The following RGS6 variants were observed in gnomAD, a reference collection of about 807,000 sequenced individuals.
The protein encoded by RGS6 is regulator of G-protein signaling 6.
A neutral mutation model predicts 78.5 loss-of-function variants in RGS6; 30 were observed. The observed-to-expected ratio is 0.38, with a 90% CI of 0.29 to 0.52. The LOEUF (loss-of-function observed/expected upper bound fraction) is 0.52, where lower values mean the gene tolerates loss of function less well. Among genes scored for constraint, RGS6 ranks in the 20% least tolerant of loss-of-function variants. RGS6 has a pLI of 0.85. For missense variants in RGS6, 495 were observed against 609.7 expected (o/e 0.81, Z 1.98); for synonymous variants, 206 against 206.0 (o/e 1.00, Z 0.00).
the RGS6 span, among the ~76,000 whole-genome samples, chr14:71,904,048 C>G: frequency 6.6e-6 from 1 of 152,166 alleles, no homozygotes; most frequent in Admixed American, 6.5e-5. Context: ...CAAGTGAATA[C>G]TAACTGATAG....
chr14:72,057,897 A>C (rs981215188), intron 2 of RGS6, among the ~76,000 whole-genome samples: 2 of 151,746 alleles, frequency 1.3e-5, no homozygotes, highest in African/African-American at 4.8e-5. Flanking sequence ...AGCTCCAAAT[A>C]CTCTTTCCAA....
chr14:72,272,034 C>T (rs1326059851), intron 2 of RGS6, among the ~76,000 whole-genome samples: 3 of 151,618 alleles, frequency 2.0e-5, no homozygotes, highest in African/African-American at 7.3e-5. Context: ...CAATTGACAA[C>T]CTTAATTCTA....
the RGS6 span, among the ~76,000 whole-genome samples, chr14:72,593,789 T>TA: frequency 4.3e-4 from 65 of 152,208 alleles, no homozygotes; most frequent in East Asian, 0.012. Context: ...GTGATTTCTT[T>TA]AAAAAAACAA....
At chr14:72,325,318 A>T (rs1041666410) in intron 2 of RGS6, among the ~76,000 whole-genome samples, 1 of 152,082 alleles carries the variant, frequency 6.6e-6, no homozygotes, top group African/African-American at 2.4e-5. Flanking sequence ...GTTCACTCTG[A>T]TGGTAGTTTC....
At chr14:72,264,782 C>T (rs1215033602) in intron 2 of RGS6, among the ~76,000 whole-genome samples, 2 of 152,302 alleles carry the variant, frequency 1.3e-5, no homozygotes, top group Admixed American at 6.5e-5. Flanking sequence ...AGGGCAGAAT[C>T]GATTCTAGTT....
rs2097706593 is a variant in RGS6, at chr14:72,565,612, C to T, written c.*3145C>T. The T allele has an allele frequency of 6.6e-6, 1 of 152,236 alleles. No individual in the cohort carries two copies. The highest frequency in any genetic ancestry group is 2.4e-5 in the African/African-American group (1 of 41,440). The allele number at this position is 152,236 out of a possible 1,614,324, so 9.4% of individuals were successfully genotyped here. A position where few individuals can be genotyped will look rare whatever the true frequency, so the allele number is the denominator to read the frequency against. Reference sequence around the variant, plus strand: ...AGTGGTCAGGTACCGGGCCAGCATCCTGGGAGGGACCTCTTGCGACTCTGA... The same window carrying T: ...AGTGGTCAGGTACCGGGCCAGCATCTTGGGAGGGACCTCTTGCGACTCTGA... On this transcript the variant is annotated 3_prime_UTR_variant, in exon 18 of 18. Coordinates refer to ENST00000553525, the MANE Select transcript of RGS6 (RefSeq NM_001204424.2).
the RGS6 span, among the ~76,000 whole-genome samples, chr14:72,601,246 G>C: frequency 3.0e-3 from 458 of 152,278 alleles, 9 homozygotes; most frequent in Non-Finnish European, 2.6e-3. Flanking sequence ...GGCCCAGCCT[G>C]GCCAGCCTCC....
chr14:72,124,704 T>A (rs955896955), intron 2 of RGS6, among the ~76,000 whole-genome samples: 1 of 152,192 alleles, frequency 6.6e-6, no homozygotes, highest in Admixed American at 6.5e-5. Flanking sequence ...CTTGTATAAA[T>A]TTTGAATTAT....
chr14:71,906,412 A>G, the RGS6 span, among the ~76,000 whole-genome samples: 1 of 152,196 alleles, frequency 6.6e-6, no homozygotes, highest in Non-Finnish European at 1.5e-5. Context: ...GGAACGGGGC[A>G]GACTGGGTGA....
intron 3 of RGS6, among the ~76,000 whole-genome samples, chr14:72,439,524 T>A (rs2095093831): frequency 6.6e-6 from 1 of 152,236 alleles, no homozygotes. Context: ...CCCTGCTCTT[T>A]GGAAGCAAAG....
At chr14:72,535,147 A>G (rs1444340318) in intron 15 of RGS6, among the ~76,000 whole-genome samples, 2 of 152,204 alleles carry the variant, frequency 1.3e-5, no homozygotes, top group African/African-American at 4.8e-5. Context: ...ATCTGTTTGG[A>G]AGGGACCACA....
At chr14:72,143,245 C>T (rs558759655) in intron 2 of RGS6, among the ~76,000 whole-genome samples, 5 of 151,960 alleles carry the variant, frequency 3.3e-5, no homozygotes, top group South Asian at 2.1e-4. Context: ...TGGTGGTGGG[C>T]GTCTGTAATC....
At chr14:72,482,956 A>G (rs1283311846) in intron 12 of RGS6, among the ~76,000 whole-genome samples, 1 of 152,194 alleles carries the variant, frequency 6.6e-6, no homozygotes, top group African/African-American at 2.4e-5. Flanking sequence ...GTTCCCGATA[A>G]CAATGAACCT....
intron 2 of RGS6, among the ~76,000 whole-genome samples, chr14:72,192,395 C>T (rs1317844113): frequency 1.3e-5 from 2 of 152,102 alleles, no homozygotes; most frequent in African/African-American, 2.4e-5. Context: ...GAAAGTGACT[C>T]TCAGAGATGC....
chr14:72,156,676 A>T (rs1401728349), intron 2 of RGS6, among the ~76,000 whole-genome samples: 1 of 152,056 alleles, frequency 6.6e-6, no homozygotes, highest in African/African-American at 2.4e-5. Flanking sequence ...TTCTCTAGCA[A>T]ATAAGATGAG....
chr14:72,550,675 C>A, intron 17 of RGS6: 1 of 1,469,210 alleles, frequency 6.8e-7, no homozygotes. Flanking sequence ...GTCAATCAAT[C>A]ACTAGCCTTT....
chr14:72,445,685 A>C (rs747524206), intron 3 of RGS6, among the ~76,000 whole-genome samples: 1 of 152,228 alleles, frequency 6.6e-6, no homozygotes, highest in Admixed American at 6.5e-5. Flanking sequence ...TTTGAATACA[A>C]CTATCAACGA....
the RGS6 span, among the ~76,000 whole-genome samples, chr14:72,585,024 A>G: frequency 1.3e-5 from 2 of 151,884 alleles, no homozygotes; most frequent in Non-Finnish European, 2.9e-5. Flanking sequence ...AAAAAGACCA[A>G]GAGACCCAAG....
intron 1 of RGS6, among the ~76,000 whole-genome samples, chr14:71,947,220 A>C (rs540171776): frequency 6.6e-6 from 1 of 152,286 alleles, no homozygotes; most frequent in African/African-American, 2.4e-5. Flanking sequence ...CCTGTGGCTA[A>C]AGGGTAAAGT....
Sources: gnomAD v4.1 joint callset for allele counts (sites outside exome capture counted in the v4.1 genomes callset) on GRCh38, gnomAD v4.1.1 for gene constraint, MANE v1.5 for transcripts, NCBI Gene and HGNC (gene_info 2026-07-23, HGNC 2026-07-21) for gene names.